RTL4: variants seen among roughly 807,000 people sequenced by gnomAD.
The protein encoded by RTL4 is retrotransposon Gag like 4.
RTL4 carries 4 observed loss-of-function variants against 5.3 expected under a neutral mutation model. The ratio of observed to expected loss-of-function variants is 0.75; its 90% CI spans 0.37 to 1.72. The LOEUF is 1.72. Among genes scored for constraint, RTL4 ranks in the 40% most tolerant of loss-of-function variants. The pLI is 0.04. For missense variants in RTL4, 260 were observed against 227.1 expected (o/e 1.14, Z -0.93); for synonymous variants, 98 against 87.3 (o/e 1.12, Z -0.68).
At chrX:112,334,729 T>C in the RTL4 span, among the ~76,000 whole-genome samples, 4 of 112,261 alleles carry the variant, frequency 3.6e-5, no homozygotes, top group Non-Finnish European at 7.5e-5. Flanking sequence ...CATTTTGATA[T>C]TTGTTTTCTC....
At chrX:112,173,511 A>G in the RTL4 span, among the ~76,000 whole-genome samples, 1 of 111,804 alleles carries the variant, frequency 8.9e-6, no homozygotes, top group African/African-American at 3.3e-5. Context: ...AATCGTGGCC[A>G]TAAGATTTCT....
chrX:112,111,575 G>T, the RTL4 span, among the ~76,000 whole-genome samples: 1 of 112,735 alleles, frequency 8.9e-6, no homozygotes, highest in Non-Finnish European at 1.9e-5. Context: ...TGGGCATGTA[G>T]GATTAGATAA....
chrX:112,341,964 A>C, the RTL4 span, among the ~76,000 whole-genome samples: 1 of 111,677 alleles, frequency 9.0e-6, no homozygotes, highest in African/African-American at 3.3e-5. Flanking sequence ...GTGACTAATA[A>C]TAACTTTAAT....
At chrX:112,231,954 C>T in the RTL4 span, among the ~76,000 whole-genome samples, 1,209 of 111,741 alleles carry the variant, frequency 0.011, 12 homozygotes, top group African/African-American at 0.036. Context: ...TGTTCCACTG[C>T]TTCCATAAAA....
At chrX:112,295,583 G>A in the RTL4 span, among the ~76,000 whole-genome samples, 73 of 112,293 alleles carry the variant, frequency 6.5e-4, no homozygotes, top group African/African-American at 2.3e-3. Context: ...CCCACACAAG[G>A]GCCATCCCGC....
the RTL4 span, among the ~76,000 whole-genome samples, chrX:112,353,166 G>T: frequency 1.7e-3 from 193 of 111,649 alleles, no homozygotes; most frequent in African/African-American, 6.0e-3. Flanking sequence ...TGGTGATCAT[G>T]AAGAAGTCAG....
the RTL4 span, among the ~76,000 whole-genome samples, chrX:112,383,720 T>C: frequency 8.9e-6 from 1 of 111,754 alleles, no homozygotes; most frequent in Non-Finnish European, 1.9e-5. Context: ...GAGGCCATTA[T>C]CCTAAGTGAA....
the RTL4 span, among the ~76,000 whole-genome samples, chrX:112,214,800 T>G: frequency 7.2e-5 from 8 of 111,337 alleles, no homozygotes; most frequent in South Asian, 3.7e-4. Flanking sequence ...GTTTTGTTTT[T>G]TTTTGTGAGA....
At chrX:112,121,394 AC>A in the RTL4 span, among the ~76,000 whole-genome samples, 1 of 112,078 alleles carries the variant, frequency 8.9e-6, no homozygotes, top group African/African-American at 3.2e-5. Context: ...AACAAAAAGA[AC>A]AAATTTCTAG....
the RTL4 span, among the ~76,000 whole-genome samples, chrX:112,332,274 C>T: frequency 4.5e-5 from 5 of 110,687 alleles, no homozygotes; most frequent in Admixed American, 9.6e-5. Context: ...GACAGTGTGG[C>T]GATTCCTCAG....
chrX:112,354,521 G>A, the RTL4 span, among the ~76,000 whole-genome samples: 1 of 111,562 alleles, frequency 9.0e-6, no homozygotes, highest in Non-Finnish European at 1.9e-5. Flanking sequence ...TGCTCATTAT[G>A]TAAAGAGTTG....
the RTL4 span, among the ~76,000 whole-genome samples, chrX:112,416,904 A>C: frequency 9.0e-6 from 1 of 111,663 alleles, no homozygotes; most frequent in Non-Finnish European, 1.9e-5. Context: ...TCTTAACACA[A>C]CTTTTAAGGT....
At chrX:112,257,083 G>A in the RTL4 span, among the ~76,000 whole-genome samples, 1 of 111,796 alleles carries the variant, frequency 8.9e-6, no homozygotes, top group African/African-American at 3.2e-5. Flanking sequence ...ATATTTCAAA[G>A]ATATCACCCA....
the RTL4 span, among the ~76,000 whole-genome samples, chrX:112,316,620 C>T: frequency 5.3e-3 from 597 of 111,940 alleles, 16 homozygotes; most frequent in Non-Finnish European, 6.4e-3. Context: ...AACTATTAAA[C>T]GTTGCACTAC....
At chrX:112,402,949 T>C in the RTL4 span, among the ~76,000 whole-genome samples, 2 of 111,541 alleles carry the variant, frequency 1.8e-5, no homozygotes, top group African/African-American at 6.5e-5. Context: ...TGTGAAAGGA[T>C]TTCACAGAAG....
the RTL4 span, among the ~76,000 whole-genome samples, chrX:112,292,923 A>G: frequency 8.9e-6 from 1 of 111,922 alleles, no homozygotes; most frequent in East Asian, 2.8e-4. Flanking sequence ...TTTAGTCTCC[A>G]ATTTACATCT....
chrX:112,237,909 T>A, the RTL4 span, among the ~76,000 whole-genome samples: 1 of 112,008 alleles, frequency 8.9e-6, no homozygotes, highest in Non-Finnish European at 1.9e-5. Flanking sequence ...GCATGCTCTA[T>A]TGAAAGAATA....
the RTL4 span, among the ~76,000 whole-genome samples, chrX:112,357,978 T>A: frequency 2.7e-5 from 3 of 112,289 alleles, no homozygotes; most frequent in South Asian, 3.6e-4. Context: ...TCTTTTTTTT[T>A]ATAAAATAAA....
chrX:112,340,600 G>A, the RTL4 span, among the ~76,000 whole-genome samples: 1 of 104,883 alleles, frequency 9.5e-6, no homozygotes, highest in East Asian at 3.0e-4. Context: ...GTGGGGAGGC[G>A]GGGTGGCGGG....
Sources: gnomAD v4.1 joint callset for allele counts (sites outside exome capture counted in the v4.1 genomes callset) on GRCh38, gnomAD v4.1.1 for gene constraint, MANE v1.5 for transcripts, NCBI Gene and HGNC (gene_info 2026-07-23, HGNC 2026-07-21) for gene names.